CCDC112: variants seen among roughly 807,000 people sequenced by gnomAD.
CCDC112 encodes coiled-coil domain-containing protein 112.
In CCDC112, 40 loss-of-function variants were observed where a neutral mutation model predicts 66.3. The ratio of observed to expected loss-of-function variants is 0.60; its 90% confidence interval spans 0.47 to 0.79. CCDC112 has a LOEUF of 0.79. CCDC112 is among the 30% of genes least tolerant of loss of function. The probability of loss-of-function intolerance (pLI) is 0.00; values close to 1 mark genes in which losing one functional copy is unlikely to be tolerated. For missense variants in CCDC112, 659 were observed against 603.8 expected (o/e 1.09, Z -0.96); for synonymous variants, 214 against 197.2 (o/e 1.09, Z -0.71).
chr5:115,294,316 G>T (rs1561501913), intron 1 of CCDC112, among the ~76,000 whole-genome samples: 1 of 152,198 alleles, frequency 6.6e-6, no homozygotes, highest in African/African-American at 2.4e-5. Flanking sequence ...TATGTTAAAT[G>T]AGGTCATTAA....
intron 2 of CCDC112, among the ~76,000 whole-genome samples, chr5:115,280,821 G>T (rs751238660): frequency 4.0e-5 from 6 of 151,590 alleles, no homozygotes; most frequent in Non-Finnish European, 7.4e-5. Flanking sequence ...CCCAAAGTGC[G>T]TGAGCCATCA....
In CCDC112 at chr5:115,267,668, G is replaced by T; in HGVS notation, c.*208C>A. The T allele has an allele frequency of 1.8e-6, 1 of 543,332 alleles. No homozygotes were observed. Among genetic ancestry groups the T allele is most frequent in the Non-Finnish European group, 3.3e-6 (1 of 305,790 alleles). 33.7% of individuals were successfully genotyped at this position (543,332 alleles called of 1,614,324 possible). A position where few individuals can be genotyped will look rare whatever the true frequency, so the allele number is the denominator to read the frequency against. ...TTAAATAACTTTTACATCAATAATA[G>T]GCCAACACATATATTAAATACCTTC... On this transcript the variant is annotated 3_prime_UTR_variant, in exon 10 of 10. Transcript: ENST00000379611.
At chr5:115,270,550 T>C (rs572269947) in intron 7 of CCDC112, among the ~76,000 whole-genome samples, 1 of 152,254 alleles carries the variant, frequency 6.6e-6, no homozygotes, top group African/African-American at 2.4e-5. Flanking sequence ...GTTTCTACAA[T>C]GCACTTAACT....
chr5:115,295,798 C>T (rs1324198511), intron 1 of CCDC112: 9 of 605,042 alleles, frequency 1.5e-5, no homozygotes, highest in South Asian at 1.5e-4. Flanking sequence ...GTACTAAGTG[C>T]TATGGGGAAA....
intron 3 of CCDC112, among the ~76,000 whole-genome samples, chr5:115,279,261 T>C (rs1027708777): frequency 1.3e-5 from 2 of 152,172 alleles, no homozygotes; most frequent in African/African-American, 4.8e-5. Context: ...TGATGCTTAC[T>C]GAGTCCAGGG....
chr5:115,271,231 A>G lies in CCDC112; in HGVS notation c.1314T>C (p.Ile438=). The G allele has an allele frequency of 6.3e-7, 1 of 1,580,888 alleles. No homozygotes were observed. The highest frequency in any genetic ancestry group is 8.5e-7 in the Non-Finnish European group (1 of 1,171,356). ...TACTCACTCTTTCTTGAAATCTGGAAATTTCATCAGCAGCATTTTTCCTTT... is the reference window on the plus strand; with the variant it reads ...TACTCACTCTTTCTTGAAATCTGGAGATTTCATCAGCAGCATTTTTCCTTT... ...AEKRKNAADE[I]SRFQERDLHK... Residue 438 remains isoleucine, a synonymous_variant, in exon 7 of 10, where the codon ATT becomes ATC. Transcript: ENST00000379611.
At chr5:115,294,972 T>G (rs1405087614) in intron 1 of CCDC112, among the ~76,000 whole-genome samples, 1 of 152,160 alleles carries the variant, frequency 6.6e-6, no homozygotes. Flanking sequence ...ACTAAAGTGG[T>G]AAGACAGTAT....
intron 3 of CCDC112, among the ~76,000 whole-genome samples, chr5:115,278,622 C>A (rs757033790): frequency 6.6e-6 from 1 of 152,010 alleles, no homozygotes; most frequent in African/African-American, 2.4e-5. Flanking sequence ...ATAGAAAAAT[C>A]AGCCTCCCAG....
intron 1 of CCDC112, chr5:115,289,216 C>CT: frequency 1.2e-5 from 2 of 169,846 alleles, no homozygotes; most frequent in Non-Finnish European, 1.3e-5. Context: ...TCATGACTGC[C>CT]TTTTTTGGCT....
At chr5:115,270,673 T>C (rs1030373934) in intron 7 of CCDC112, among the ~76,000 whole-genome samples, 2 of 152,280 alleles carry the variant, frequency 1.3e-5, no homozygotes, top group East Asian at 1.9e-4. Flanking sequence ...GTCATCAATA[T>C]GGTAAAGCCA....
chr5:115,269,153 T>C (rs548632556), intron 8 of CCDC112, among the ~76,000 whole-genome samples, 153 bp from the exon 9 acceptor site: 2 of 152,216 alleles, frequency 1.3e-5, no homozygotes, highest in East Asian at 3.8e-4. Flanking sequence ...TGGGCTCATA[T>C]AGCTAAAAGA....
At position 115,279,762 on chromosome 5, in the gene CCDC112, A is replaced by T; in HGVS notation, c.246T>A (p.Ile82=). The T allele has an allele frequency of 6.7e-7, 1 of 1,483,648 alleles. No homozygotes were observed. The highest frequency in any genetic ancestry group is 9.4e-7 in the Non-Finnish European group (1 of 1,065,770). 91.9% of individuals were successfully genotyped at this position (1,483,648 alleles called of 1,614,324 possible). ...RTAEKFKNQV[I]NMEKDKHSHF... The stretch of plus-strand genomic sequence containing the variant: ...GACTGTGTTTATCTTTTTCCATGTT[A>T]ATTACTCTTTAGGAAAAGAAACAAA... Residue 82 remains isoleucine (I), a synonymous_variant, in exon 3 of 10, where the codon ATT becomes ATA. Transcript: ENST00000379611.
chr5:115,288,946 A>G (rs937936968), intron 1 of CCDC112: 3 of 424,632 alleles, frequency 7.1e-6, no homozygotes, highest in Non-Finnish European at 1.4e-5. Flanking sequence ...AAGGAGGGAG[A>G]CAGGGACTAC....
chr5:115,276,927 A>T (rs759795907), intron 4 of CCDC112, 38 bp downstream of exon 4: 4 of 1,335,254 alleles, frequency 3.0e-6, no homozygotes, highest in Non-Finnish European at 4.3e-6. Flanking sequence ...AGAAAATACT[A>T]ACACATAAGA....
chr5:115,285,421 A>C (rs957435835), intron 1 of CCDC112, among the ~76,000 whole-genome samples: 1 of 152,170 alleles, frequency 6.6e-6, no homozygotes, highest in Non-Finnish European at 1.5e-5. Flanking sequence ...TGGTCACAGA[A>C]GGTCTATTTG....
chr5:115,276,486 T>C (rs186349340), intron 4 of CCDC112, among the ~76,000 whole-genome samples: 6 of 152,272 alleles, frequency 3.9e-5, no homozygotes, highest in Admixed American at 6.5e-5. Flanking sequence ...GTGGGATTTT[T>C]TTCCAAAAAC....
Position 115,284,890 on chromosome 5 carries a change from T to C in CCDC112, c.136A>G (p.Thr46Ala). ...TGAAAAGGACGAATTCCACCTGAAGTACTAAAACAGCCATCACTCTGCATT... is the reference window on the plus strand; with the variant it reads ...TGAAAAGGACGAATTCCACCTGAAGCACTAAAACAGCCATCACTCTGCATT... ...APQQSDGCFS[T>A]SGGIRPFHLQ... Residue 46 changes from threonine (T) to alanine (A), a missense_variant, in exon 2 of 10, where the codon ACT becomes GCT. Transcript: ENST00000379611. 6.2e-7 allele frequency: 1 copy of C among 1,612,710 alleles called. No individual in the cohort carries two copies. The highest frequency in any genetic ancestry group is 8.5e-7 in the Non-Finnish European group (1 of 1,179,072).
At chr5:115,280,127 G>A (rs1049220529) in intron 2 of CCDC112, among the ~76,000 whole-genome samples, 1 of 152,132 alleles carries the variant, frequency 6.6e-6, no homozygotes, top group African/African-American at 2.4e-5. Flanking sequence ...GCTTTCAATA[G>A]TAGATACTAT....
At position 115,271,471 on chromosome 5, in the gene CCDC112, A is replaced by G. The variant is rs1485635366; in HGVS notation, c.1074T>C (p.Val358=). Residue 358 remains valine, a synonymous_variant, in exon 7 of 10, where the codon GTT becomes GTC. Transcript: ENST00000379611. ...EEQRKKQKLA[V]EAWKKQKSIE... ...TACTTTTCTGTTTCTTCCAAGCTTC[A>G]ACTGCCAATTTCTGTTTCTTTCTTT... 6.2e-7 allele frequency: 1 copy of G among 1,612,962 alleles called. No individual in the cohort carries two copies. The highest frequency in any genetic ancestry group is 1.1e-5 in the South Asian group (1 of 90,646).
Sources: allele counts gnomAD v4.1 joint callset (sites outside exome capture counted in the v4.1 genomes callset), GRCh38; gene constraint gnomAD v4.1.1; transcripts MANE v1.5; gene names NCBI Gene and HGNC (gene_info 2026-07-23, HGNC 2026-07-21).